The following MGMT variants were observed in gnomAD, a reference collection of about 807,000 sequenced individuals.
MGMT encodes methylated-DNA--protein-cysteine methyltransferase.
Under a neutral mutation model 15.9 loss-of-function variants are expected in MGMT, and 14 were observed. The ratio of observed to expected loss-of-function variants is 0.88; its 90% CI spans 0.58 to 1.37. The LOEUF is 1.37. Ranked by LOEUF, MGMT falls within the 40% of genes most tolerant of loss-of-function variation. The pLI, the probability that MGMT is intolerant of heterozygous loss-of-function variation, is 0.00. For missense variants in MGMT, 282 were observed against 268.1 expected (o/e 1.05, Z -0.36); for synonymous variants, 130 against 118.2 (o/e 1.10, Z -0.65).
At chr10:129,699,450 C>A (rs910940115) in intron 2 of MGMT, among the ~76,000 whole-genome samples, 3 of 151,916 alleles carry the variant, frequency 2.0e-5, no homozygotes. Flanking sequence ...CATAGCGTGC[C>A]GGTTAAAAAT....
chr10:129,553,382 G>A (rs1418488335), intron 2 of MGMT, among the ~76,000 whole-genome samples: 6 of 152,192 alleles, frequency 3.9e-5, no homozygotes, highest in Non-Finnish European at 7.3e-5. Context: ...TTAGGAGCAG[G>A]CAGAATTCCT....
chr10:129,627,019 G>A (rs1349405371), intron 2 of MGMT, among the ~76,000 whole-genome samples: 2 of 152,188 alleles, frequency 1.3e-5, no homozygotes, highest in African/African-American at 2.4e-5. Flanking sequence ...GCTGCCACCC[G>A]CCGTGTCCCT....
At chr10:129,553,348 G>C (rs1229876738) in intron 2 of MGMT, among the ~76,000 whole-genome samples, 1 of 152,132 alleles carries the variant, frequency 6.6e-6, no homozygotes, top group Non-Finnish European at 1.5e-5. Context: ...TGGTGCAAAG[G>C]AAACCCTGGC....
intron 3 of MGMT, among the ~76,000 whole-genome samples, chr10:129,750,741 C>A (rs1848742854): frequency 6.6e-6 from 1 of 152,052 alleles, no homozygotes; most frequent in African/African-American, 2.4e-5. Flanking sequence ...GTCCTGGAAC[C>A]AATACCCAAT....
chr10:129,545,905 C>T (rs1410072506), intron 2 of MGMT, among the ~76,000 whole-genome samples: 1 of 152,166 alleles, frequency 6.6e-6, no homozygotes, highest in African/African-American at 2.4e-5. Flanking sequence ...TATTAATGTA[C>T]AGGGTAGCTC....
intron 4 of MGMT, among the ~76,000 whole-genome samples, chr10:129,761,797 G>T (rs1212110378): frequency 6.6e-6 from 1 of 152,226 alleles, no homozygotes; most frequent in Non-Finnish European, 1.5e-5. Context: ...AGGGCAGCCA[G>T]GCGGTGGTGG....
intron 2 of MGMT, among the ~76,000 whole-genome samples, chr10:129,648,614 C>T (rs1301804823): frequency 6.6e-6 from 1 of 152,178 alleles, no homozygotes; most frequent in Non-Finnish European, 1.5e-5. Context: ...ACATTGATTT[C>T]TAAAAGAAAT....
intron 2 of MGMT, among the ~76,000 whole-genome samples, chr10:129,669,324 C>T (rs1359522879): frequency 2.0e-5 from 3 of 152,102 alleles, no homozygotes; most frequent in Non-Finnish European, 4.4e-5. Flanking sequence ...CACCACTGTG[C>T]CCACCTCTAA....
At chr10:129,653,507 G>C (rs181846830) in intron 2 of MGMT, among the ~76,000 whole-genome samples, 3 of 152,234 alleles carry the variant, frequency 2.0e-5, no homozygotes, top group Non-Finnish European at 4.4e-5. Flanking sequence ...CCCCCAGGCC[G>C]AGGTGCTGCA....
chr10:129,651,686 G>A (rs1021062741), intron 2 of MGMT, among the ~76,000 whole-genome samples: 6 of 152,062 alleles, frequency 3.9e-5, no homozygotes, highest in Non-Finnish European at 8.8e-5. Flanking sequence ...CTGAGAGAAC[G>A]TGCTCATCCT....
intron 2 of MGMT, among the ~76,000 whole-genome samples, chr10:129,645,616 A>G (rs1261224226): frequency 6.6e-6 from 1 of 152,176 alleles, no homozygotes; most frequent in Non-Finnish European, 1.5e-5. Context: ...TTGAGGCAGA[A>G]GCATGGAAAG....
intron 2 of MGMT, among the ~76,000 whole-genome samples, chr10:129,578,641 C>T (rs955349594): frequency 1.3e-5 from 2 of 152,124 alleles, no homozygotes; most frequent in Non-Finnish European, 2.9e-5. Context: ...ATGTAAGAAA[C>T]CTGCACGTTG....
At chr10:129,658,286 A>T (rs1442785063) in intron 2 of MGMT, among the ~76,000 whole-genome samples, 1 of 152,152 alleles carries the variant, frequency 6.6e-6, no homozygotes, top group African/African-American at 2.4e-5. Flanking sequence ...TCTATTATTG[A>T]CTAATGACGA....
intron 2 of MGMT, among the ~76,000 whole-genome samples, chr10:129,599,998 G>GTAGT (rs1361614582): frequency 6.6e-6 from 1 of 152,128 alleles, no homozygotes; most frequent in Non-Finnish European, 1.5e-5. Context: ...AGGTAGGTAG[G>GTAGT]TAGGTAGATG....
chr10:129,712,453 T>C (rs974647704), intron 3 of MGMT, among the ~76,000 whole-genome samples: 3 of 152,258 alleles, frequency 2.0e-5, no homozygotes, highest in African/African-American at 7.2e-5. Flanking sequence ...TAACACCTGC[T>C]GGTAGAAGTA....
At chr10:129,577,633 C>A (rs551312352) in intron 2 of MGMT, among the ~76,000 whole-genome samples, 1 of 152,250 alleles carries the variant, frequency 6.6e-6, no homozygotes, top group East Asian at 1.9e-4. Flanking sequence ...TGGGCAAGGA[C>A]TTCATAACCA....
intron 2 of MGMT, among the ~76,000 whole-genome samples, chr10:129,655,962 G>A (rs73388777): frequency 0.033 from 4,976 of 152,266 alleles, 282 homozygotes; most frequent in African/African-American, 0.11. Flanking sequence ...AGATAGCTTA[G>A]CCGGGCAGCA....
At chr10:129,669,320 T>C (rs1026182946) in intron 2 of MGMT, among the ~76,000 whole-genome samples, 1 of 152,182 alleles carries the variant, frequency 6.6e-6, no homozygotes, top group Admixed American at 6.5e-5. Context: ...TGCACACCAC[T>C]GTGCCCACCT....
At chr10:129,523,618 G>A (rs1003497398) in intron 1 of MGMT, among the ~76,000 whole-genome samples, 20 of 152,188 alleles carry the variant, frequency 1.3e-4, no homozygotes, top group Non-Finnish European at 1.0e-4. Flanking sequence ...TCCCTCCACC[G>A]TGGAATCCGT....
Sources: allele counts gnomAD v4.1 joint callset (sites outside exome capture counted in the v4.1 genomes callset), GRCh38; gene constraint gnomAD v4.1.1; transcripts MANE v1.5; gene names NCBI Gene and HGNC (gene_info 2026-07-23, HGNC 2026-07-21).